The following COL21A1 variants were observed in gnomAD, a reference collection of about 807,000 sequenced individuals.
The protein encoded by COL21A1 is collagen alpha-1(XXI) chain.
In COL21A1, 149 loss-of-function variants were observed where a neutral mutation model predicts 137.9. The ratio of observed to expected loss-of-function variants is 1.08; its 90% CI spans 0.95 to 1.24. The LOEUF is 1.24. COL21A1 is among the 50% of genes most tolerant of loss of function. The probability of loss-of-function intolerance (pLI) is 0.00; values close to 1 mark genes in which losing one functional copy is unlikely to be tolerated. For missense variants in COL21A1, 1,167 were observed against 1,158.4 expected (o/e 1.01, Z -0.11); for synonymous variants, 456 against 391.5 (o/e 1.16, Z -1.95).
intron 9 of COL21A1, among the ~76,000 whole-genome samples, chr6:56,160,802 G>T (rs1273201445): frequency 6.6e-6 from 1 of 152,124 alleles, no homozygotes; most frequent in Non-Finnish European, 1.5e-5. Flanking sequence ...AAAAAGTTAT[G>T]TTTATAAAAA....
chr6:56,061,592 C>G, intron 25 of COL21A1, 57 bp downstream of exon 25: 3 of 1,272,004 alleles, frequency 2.4e-6, no homozygotes, highest in Non-Finnish European at 3.3e-6. Context: ...TATTGAAACC[C>G]AAGCAAAAAG....
chr6:56,374,613 T>C (rs1170710061), intron 1 of COL21A1, among the ~76,000 whole-genome samples: 1 of 149,840 alleles, frequency 6.7e-6, no homozygotes, highest in Non-Finnish European at 1.5e-5. Flanking sequence ...TCCCAGCTAC[T>C]CGGGAAGCTG....
At chr6:56,240,527 C>T (rs1483846242) in intron 1 of COL21A1, among the ~76,000 whole-genome samples, 1 of 152,192 alleles carries the variant, frequency 6.6e-6, no homozygotes, top group Admixed American at 6.5e-5. Context: ...AATAAATAAA[C>T]TCTACATTTC....
At chr6:56,355,958 A>G (rs536301689) in intron 1 of COL21A1, among the ~76,000 whole-genome samples, 1 of 152,228 alleles carries the variant, frequency 6.6e-6, no homozygotes, top group Non-Finnish European at 1.5e-5. Context: ...GCTCCCAAAA[A>G]AGTGGAAGAC....
At chr6:56,090,158 G>A (rs567872891) in intron 17 of COL21A1, among the ~76,000 whole-genome samples, 1 of 152,284 alleles carries the variant, frequency 6.6e-6, no homozygotes, top group South Asian at 2.1e-4. Context: ...AGAATTGCTT[G>A]AACCCAGGAG....
At chr6:56,281,778 C>T (rs958832240) in intron 1 of COL21A1, among the ~76,000 whole-genome samples, 1 of 152,018 alleles carries the variant, frequency 6.6e-6, no homozygotes, top group Non-Finnish European at 1.5e-5. Context: ...AATTGAGCAT[C>T]GACTAGGTAG....
At chr6:56,259,587 A>T (rs1329773514) in intron 1 of COL21A1, among the ~76,000 whole-genome samples, 2 of 152,238 alleles carry the variant, frequency 1.3e-5, no homozygotes, top group East Asian at 3.8e-4. Context: ...TGATGAGATT[A>T]GATGTTCTTG....
At chr6:56,137,822 T>C (rs963700389) in intron 12 of COL21A1, among the ~76,000 whole-genome samples, 1 of 152,128 alleles carries the variant, frequency 6.6e-6, no homozygotes, top group African/African-American at 2.4e-5. Context: ...TAAACTAAGA[T>C]GTTAAATCCA....
intron 1 of COL21A1, among the ~76,000 whole-genome samples, chr6:56,277,956 T>G (rs1028950735): frequency 1.3e-5 from 2 of 152,204 alleles, no homozygotes; most frequent in Non-Finnish European, 2.9e-5. Flanking sequence ...TTTATATAAT[T>G]TTGGTCAACA....
chr6:56,269,404 C>T (rs1412881550), intron 1 of COL21A1, among the ~76,000 whole-genome samples: 1 of 151,930 alleles, frequency 6.6e-6, no homozygotes, highest in Non-Finnish European at 1.5e-5. Flanking sequence ...GCCTGTAATC[C>T]CAGCACTTTG....
chr6:56,365,554 C>T (rs911817174), intron 1 of COL21A1, among the ~76,000 whole-genome samples: 1 of 151,954 alleles, frequency 6.6e-6, no homozygotes, highest in Admixed American at 6.6e-5. Context: ...AAGCTGCCTC[C>T]CCTCCCCTTT....
In COL21A1 at chr6:56,059,276, T is replaced by TA. The variant is rs749191087; in HGVS notation, c.2609-35dup. 7 of 1,416,586 alleles carry TA rather than the reference T, an allele frequency of 4.9e-6. No individual in the cohort carries two copies. In the Admixed American group the frequency reaches 1.3e-4, roughly 27 times the overall value. 87.8% of individuals were successfully genotyped at this position (1,416,586 alleles called of 1,614,324 possible). A position where few individuals can be genotyped will look rare whatever the true frequency, so the allele number is the denominator to read the frequency against. ...TGTCAAACATCTGAGTAAGTTTACT[T>TA]AAAATCACTGCCTTCTAGATTGTTT... On this transcript the variant is annotated intron_variant, in intron 28 of 29. Transcript: ENST00000244728.
chr6:56,240,390 G>C (rs1782221544), intron 1 of COL21A1, among the ~76,000 whole-genome samples: 1 of 152,110 alleles, frequency 6.6e-6, no homozygotes, highest in Non-Finnish European at 1.5e-5. Flanking sequence ...CCAGTGCCTT[G>C]ATCTTAGATT....
chr6:56,366,564 A>G (rs1435891901), intron 1 of COL21A1, among the ~76,000 whole-genome samples: 2 of 152,220 alleles, frequency 1.3e-5, no homozygotes, highest in African/African-American at 2.4e-5. Flanking sequence ...ATGTAAAGTC[A>G]TATTTCTCTC....
rs530320492 is a variant in COL21A1 at position 56,124,864 on chromosome 6, C to A, written c.1651-572G>T. On this transcript the variant is annotated intron_variant, in intron 14 of 29. Transcript: ENST00000244728. ...GTTTCACCGTGTTAGCCAGGATGGT[C>A]TCGATCTCCTGACTTCGTGATCTGC... 2.1e-4 allele frequency among the ~76,000 whole-genome samples: 32 copies of A among 152,154 alleles called. 1 individual carries two copies. In the South Asian group the frequency reaches 6.4e-3, roughly 31 times the overall value.
chr6:56,390,231 G>T (rs1414680437), intron 1 of COL21A1, among the ~76,000 whole-genome samples: 1 of 151,692 alleles, frequency 6.6e-6, no homozygotes, highest in African/African-American at 2.4e-5. Context: ...GTGTTTGTTT[G>T]TTTATTTGTT....
intron 1 of COL21A1, among the ~76,000 whole-genome samples, chr6:56,356,551 C>T (rs2152347675): frequency 6.6e-6 from 1 of 152,290 alleles, no homozygotes; most frequent in African/African-American, 2.4e-5. Context: ...GGAATAACAA[C>T]ATGATTTTCT....
chr6:56,326,340 T>C (rs886166587), intron 1 of COL21A1, among the ~76,000 whole-genome samples: 4 of 151,714 alleles, frequency 2.6e-5, no homozygotes, highest in African/African-American at 9.7e-5. Context: ...AAATGCAATC[T>C]GTAATTCACA....
At chr6:56,249,816 A>G (rs2152328890), upstream of COL21A1, among the ~76,000 whole-genome samples, 2 of 152,312 alleles carry the variant, frequency 1.3e-5, no homozygotes, top group South Asian at 4.1e-4. Flanking sequence ...ACGATTTTGA[A>G]TATACTAAAA....
Sources: gnomAD v4.1 joint callset for allele counts (sites outside exome capture counted in the v4.1 genomes callset) on GRCh38, gnomAD v4.1.1 for gene constraint, MANE v1.5 for transcripts, NCBI Gene and HGNC (gene_info 2026-07-23, HGNC 2026-07-21) for gene names.